EAF2: variants seen among roughly 807,000 people sequenced by gnomAD.
The protein encoded by EAF2 is ELL associated factor 2.
EAF2 carries 29 observed loss-of-function variants against 29.4 expected under a neutral mutation model. The observed-to-expected ratio is 0.99, with a 90% confidence interval of 0.73 to 1.35. The LOEUF (loss-of-function observed/expected upper bound fraction) is 1.35. Ranked by LOEUF, EAF2 falls within the 40% of genes most tolerant of loss-of-function variation. EAF2 has a pLI of 0.00. For synonymous variants in EAF2, 103 were observed against 102.5 expected, an observed-to-expected ratio of 1.00 and a Z score of -0.03; for missense variants, 292 against 312.0, an observed-to-expected ratio of 0.94 and a Z score of 0.48.
chr3:121,835,515 GGGGGA>G (rs1708251388), intron 1 of EAF2, 124 bp downstream of exon 1: 1 of 849,494 alleles, frequency 1.2e-6, no homozygotes, highest in Admixed American at 2.1e-5. Context: ...GGGCGGGGAG[GGGGGA>G]GGCAGCGCGA....
rs145346379 is a variant in EAF2 at position 121,884,616 on chromosome 3, G to A, written c.737-1726G>A. On this transcript the variant is annotated intron_variant, in intron 5 of 5. Coordinates refer to ENST00000273668, the MANE Select transcript of EAF2 (RefSeq NM_018456.6). Reference sequence around the variant, plus strand: ...CTAATTTTGTATTTTTAGTAGAGACGGGGTTTCACCATGTTGGCCAGGATG... The same window carrying A: ...CTAATTTTGTATTTTTAGTAGAGACAGGGTTTCACCATGTTGGCCAGGATG... Among the ~76,000 whole-genome samples, 1,013 of 151,814 alleles carry A rather than the reference G, an allele frequency of 6.7e-3. 8 individuals are homozygous for A. The highest frequency in any genetic ancestry group is 0.022 in the African/African-American group (921 of 41,440).
In EAF2 at chr3:121,854,747, A is replaced by G. The variant is rs376098445; in HGVS notation, c.262A>G (p.Ile88Val). 4 of 1,568,130 alleles carry G rather than the reference A, an allele frequency of 2.6e-6. No individual in the cohort carries two copies. Among genetic ancestry groups the G allele is most frequent in the Non-Finnish European group, 3.4e-6 (4 of 1,167,414 alleles). Residue 88 changes from isoleucine to valine, a missense_variant, in exon 3 of 6, where the codon ATT (isoleucine) becomes GTT (valine). Ile to Val is a conservative substitution (Grantham distance 29). Coordinates refer to ENST00000273668, the MANE Select transcript of EAF2 (RefSeq NM_018456.6). Reference sequence around the variant, plus strand: ...AAAAAAACCTTACTTAAAAGAATGCATTTTGATTATTAACCATGATACTGG... The same window carrying G: ...AAAAAAACCTTACTTAAAAGAATGCGTTTTGATTATTAACCATGATACTGG... ...GSKKPYLKECILIINHDTGEC... is the reference protein window; with the variant it reads ...GSKKPYLKECVLIINHDTGEC...
intron 4 of EAF2, among the ~76,000 whole-genome samples, chr3:121,861,890 T>A (rs1708839636): frequency 6.6e-6 from 1 of 152,222 alleles, no homozygotes; most frequent in Non-Finnish European, 1.5e-5. Context: ...TCTCAGCATT[T>A]GCTTGTCTGT....
intron 4 of EAF2, among the ~76,000 whole-genome samples, chr3:121,860,636 AT>A (rs1349264001): frequency 2.6e-4 from 40 of 151,738 alleles, no homozygotes; most frequent in African/African-American, 9.2e-4. Flanking sequence ...AGATTCATTG[AT>A]TTTTTTGAAG....
intron 4 of EAF2, among the ~76,000 whole-genome samples, chr3:121,858,281 C>T (rs1708760049): frequency 6.6e-6 from 1 of 152,246 alleles, no homozygotes; most frequent in Admixed American, 6.5e-5. Flanking sequence ...TTTACAGTCC[C>T]ATCAACAGTG....
intron 2 of EAF2, among the ~76,000 whole-genome samples, chr3:121,849,873 C>T (rs964037617): frequency 6.0e-5 from 9 of 150,922 alleles, no homozygotes; most frequent in African/African-American, 2.2e-4. Flanking sequence ...TACAAAATAA[C>T]ATTTTTGTCC....
Position 121,886,375 on chromosome 3 carries a change from A to C in EAF2, c.770A>C (p.Asp257Ala). 1 of 1,479,444 alleles carries C rather than the reference A, an allele frequency of 6.8e-7. No homozygotes were observed. The highest frequency in any genetic ancestry group is 9.0e-7 in the Non-Finnish European group (1 of 1,108,334). The allele number at this position is 1,479,444 out of a possible 1,614,324, so 91.6% of individuals were successfully genotyped here. The change falls in exon 6 of 6, where the codon GAC becomes GCC. Residue 257 changes from aspartate (D) to alanine (A), a missense_variant. Asp to Ala is a moderately radical substitution (Grantham distance 126). Transcript: ENST00000273668. ...TTGCAGCTGAGTGAATCAGGAAGTG[A>C]CAGTGATGACTGAAGAAATATTTAG... Reference protein sequence around the residue: ...NDLQLSESGSDSDD With the variant: ...NDLQLSESGSASDD
At chr3:121,849,120 G>T (rs1017402817) in intron 2 of EAF2, among the ~76,000 whole-genome samples, 2 of 152,252 alleles carry the variant, frequency 1.3e-5, no homozygotes, top group Admixed American at 6.5e-5. Flanking sequence ...AAATGTAATG[G>T]TTATTAGTTT....
chr3:121,876,334 G>A (rs986753298), intron 5 of EAF2, among the ~76,000 whole-genome samples: 7 of 151,540 alleles, frequency 4.6e-5, no homozygotes, highest in Non-Finnish European at 7.4e-5. Context: ...TCAGGCACAC[G>A]AAAACAGCTT....
At chr3:121,856,625 T>G (rs1214542975) in intron 3 of EAF2, among the ~76,000 whole-genome samples, 1 of 152,148 alleles carries the variant, frequency 6.6e-6, no homozygotes, top group Non-Finnish European at 1.5e-5. Context: ...ATTACAGGTG[T>G]GCATCATCAT....
intron 2 of EAF2, 64 bp from the exon 3 acceptor site, chr3:121,854,623 A>G (rs1708686683): frequency 7.4e-7 from 1 of 1,345,134 alleles, no homozygotes; most frequent in Non-Finnish European, 9.8e-7. Context: ...TCAAGATTTC[A>G]AAGGCCTTCC....
At position 121,873,575 on chromosome 3, in the gene EAF2, T is replaced by A. The variant is rs148507467; in HGVS notation, c.736+787T>A. On this transcript the variant is annotated intron_variant, in intron 5 of 5. Coordinates refer to ENST00000273668, the MANE Select transcript of EAF2 (RefSeq NM_018456.6). ...TCCATTATGTACACTGTAGCCATAT[T>A]GATTTTTTTCACAATTCTAATACAA... Among the ~76,000 whole-genome samples the A allele has an allele frequency of 3.9e-5, 6 of 152,040 alleles. No homozygotes were observed. In the East Asian group the frequency reaches 1.2e-3, roughly 29 times the overall value.
chr3:121,874,791 C>A (rs936181282), intron 5 of EAF2, among the ~76,000 whole-genome samples: 11 of 151,768 alleles, frequency 7.2e-5, no homozygotes, highest in African/African-American at 2.7e-4. Flanking sequence ...AAGGTAAAAC[C>A]CAGACATGGC....
chr3:121,878,963 A>G (rs1254360820), intron 5 of EAF2, among the ~76,000 whole-genome samples: 2 of 152,124 alleles, frequency 1.3e-5, no homozygotes, highest in Non-Finnish European at 2.9e-5. Context: ...GACCCTCCAT[A>G]CTGTTCTCCA....
intron 1 of EAF2, among the ~76,000 whole-genome samples, chr3:121,842,353 T>C (rs1399111918): frequency 2.6e-5 from 4 of 152,226 alleles, no homozygotes; most frequent in Non-Finnish European, 4.4e-5. Flanking sequence ...TTATTTTAGA[T>C]TCATAAATGG....
At chr3:121,886,205 A>AT in intron 5 of EAF2, 137 bp from the exon 6 acceptor site, 1 of 397,780 alleles carries the variant, frequency 2.5e-6, no homozygotes, top group Non-Finnish European at 4.5e-6. Flanking sequence ...TAATTGTGTC[A>AT]CTGAATTACA....
chr3:121,878,230 T>C (rs1321835787), intron 5 of EAF2, among the ~76,000 whole-genome samples: 3 of 151,912 alleles, frequency 2.0e-5, no homozygotes, highest in African/African-American at 4.8e-5. Flanking sequence ...ATAGACAATA[T>C]TAAGGAAGAA....
intron 4 of EAF2, among the ~76,000 whole-genome samples, chr3:121,869,179 A>G (rs886673910): frequency 6.6e-6 from 1 of 152,266 alleles, no homozygotes; most frequent in Non-Finnish European, 1.5e-5. Flanking sequence ...TTAAGTAAAC[A>G]TAGCATGCCA....
rs780717251 is a variant in EAF2 at position 121,876,459 on chromosome 3, T to C, written c.736+3671T>C. Among the ~76,000 whole-genome samples, 8 of 151,804 alleles carry C rather than the reference T, an allele frequency of 5.3e-5. No homozygotes were observed. In the Middle Eastern group the frequency reaches 0.01, roughly 195 times the overall value. On this transcript the variant is annotated intron_variant, in intron 5 of 5. Transcript: ENST00000273668. ...GGAAAGTGTGGAATATGAGAAACAG[T>C]AGTGAACAAAAAAATAGATAAAATG...
Sources: allele counts gnomAD v4.1 joint callset (sites outside exome capture counted in the v4.1 genomes callset), GRCh38; gene constraint gnomAD v4.1.1; transcripts MANE v1.5; gene names NCBI Gene and HGNC (gene_info 2026-07-23, HGNC 2026-07-21).